FBXO44: variants seen among roughly 807,000 people sequenced by gnomAD.
FBXO44 encodes F-box only protein 44.
In FBXO44, 25 loss-of-function variants were observed where a neutral mutation model predicts 33.5. The observed-to-expected ratio is 0.75, with a 90% CI of 0.54 to 1.04. The LOEUF (loss-of-function observed/expected upper bound fraction) is 1.04. Ranked by LOEUF, FBXO44 falls within the 50% of genes least tolerant of loss-of-function variation. The pLI is 0.00. For synonymous variants in FBXO44, 147 were observed against 152.8 expected (o/e 0.96, Z 0.28); for missense variants, 311 against 344.0 (o/e 0.90, Z 0.76).
rs867323788 is a variant in FBXO44, at chr1:11,661,256, G to A, written c.751G>A (p.Gly251Arg). The A allele has an allele frequency of 6.2e-6, 10 of 1,613,836 alleles. No homozygotes were observed. The highest frequency in any genetic ancestry group is 1.6e-4 in the Middle Eastern group (1 of 6,084). The change falls in exon 6 of 6, where the codon GGG becomes AGG. Residue 251 changes from glycine to arginine, a missense_variant. Coordinates refer to ENST00000251547, the MANE Select transcript of FBXO44 (RefSeq NM_033182.7). This position sits in a 1 kb window ranked among gnomAD's most constrained non-coding sequence, Gnocchi z 4.4. ...PRVTNSSITI[G>R]PPLP ...GGTCACCAACAGCAGCATCACCATCGGGCCCCCGCTGCCCTGACACCCCCT... is the reference window on the plus strand; with the variant it reads ...GGTCACCAACAGCAGCATCACCATCAGGCCCCCGCTGCCCTGACACCCCCT...
intron 5 of FBXO44, among the ~76,000 whole-genome samples, chr1:11,659,310 G>A (rs995428343): frequency 1.3e-5 from 2 of 152,118 alleles, no homozygotes; most frequent in African/African-American, 4.8e-5. Flanking sequence ...TCCAGGAGGC[G>A]GAGGTTGCCG....
intron 5 of FBXO44, among the ~76,000 whole-genome samples, chr1:11,660,846 C>T (rs1225538188): frequency 2.0e-5 from 3 of 152,132 alleles, no homozygotes; most frequent in Non-Finnish European, 2.9e-5. Flanking sequence ...AGCGCAGTGA[C>T]GTGATCACAG....
rs1158716590 is a variant in FBXO44, at chr1:11,658,352, C to T, written c.351C>T (p.Phe117=). The part of the protein sequence containing the change: ...EDLSRDQRKE[F]PNDQVKKYFV... ...TCTCTCGAGACCAGAGGAAGGAATT[C>T]CCCAATGACCAGGTCAAGAAATACT... The change falls in exon 3 of 6, where the codon TTC becomes TTT. Residue 117 remains phenylalanine, a synonymous_variant. Transcript: ENST00000251547. The T allele has an allele frequency of 6.2e-7, 1 of 1,613,462 alleles. No homozygotes were observed. Among genetic ancestry groups the T allele is most frequent in the South Asian group, 1.1e-5 (1 of 91,004 alleles).
At chr1:11,658,445 G>A (rs780850040) in intron 3 of FBXO44, 52 bp downstream of exon 3, 19 of 1,612,274 alleles carry the variant, frequency 1.2e-5, no homozygotes, top group Admixed American at 1.7e-5. Flanking sequence ...TTTACCCTGG[G>A]GTCTCTCCCA....
intron 2 of FBXO44, among the ~76,000 whole-genome samples, chr1:11,657,384 T>C (rs1467806783): frequency 1.3e-5 from 2 of 151,724 alleles, no homozygotes; most frequent in Non-Finnish European, 2.9e-5. Context: ...CACAGCTGAG[T>C]ACTGGTAGAG....
rs1479360728 is a variant in FBXO44, at chr1:11,661,842, C to T, written c.*569C>T. On this transcript the variant is annotated 3_prime_UTR_variant, in exon 6 of 6. Transcript: ENST00000251547. The surrounding 1 kb of genome is among the most constrained non-coding windows in gnomAD (Gnocchi z 4.4). The stretch of plus-strand genomic sequence containing the variant: ...AGAAGAGGTGGCTTTGGCCCAGAGG[C>T]TCAGGCCGGGACTGAGATGGACAGA... 6.5e-6 allele frequency: 1 copy of T among 154,836 alleles called. No individual in the cohort carries two copies. Among genetic ancestry groups the T allele is most frequent in the Non-Finnish European group, 1.4e-5 (1 of 69,836 alleles). The allele number at this position is 154,836 out of a possible 1,614,324, so 9.6% of individuals were successfully genotyped here. A position where few individuals can be genotyped will look rare whatever the true frequency, so the allele number is the denominator to read the frequency against.
At chr1:11,659,619 C>T (rs758931897) in intron 5 of FBXO44, among the ~76,000 whole-genome samples, 10 of 152,092 alleles carry the variant, frequency 6.6e-5, no homozygotes, top group Non-Finnish European at 1.5e-4. Context: ...CCTCAGCATC[C>T]TGAGTAGCTG....
intron 2 of FBXO44, among the ~76,000 whole-genome samples, chr1:11,656,828 G>A (rs555801882): frequency 1.3e-5 from 2 of 152,326 alleles, no homozygotes; most frequent in African/African-American, 4.8e-5. Context: ...TTGGCCAACT[G>A]AGACTAATTC....
At chr1:11,659,908 C>A (rs1409110918) in intron 5 of FBXO44, among the ~76,000 whole-genome samples, 1 of 152,224 alleles carries the variant, frequency 6.6e-6, no homozygotes, top group Non-Finnish European at 1.5e-5. Context: ...GAAAACAGCT[C>A]TAGACAATAT....
At position 11,661,435 on chromosome 1, in the gene FBXO44, C is replaced by G; in HGVS notation, c.*162C>G. 1.8e-6 allele frequency: 2 copies of G among 1,097,950 alleles called. No individual in the cohort carries two copies. The highest frequency in any genetic ancestry group is 2.6e-6 in the Non-Finnish European group (2 of 779,774). 68.0% of individuals were successfully genotyped at this position (1,097,950 alleles called of 1,614,324 possible). On this transcript the variant is annotated 3_prime_UTR_variant, in exon 6 of 6. Transcript: ENST00000251547. This position sits in a 1 kb window ranked among gnomAD's most constrained non-coding sequence, Gnocchi z 4.4. ...GGAGCCTCTCAGTGTGGGCAGCCCT[C>G]GCATGCTGGGGTCGGGCCAGCTCTC...
Position 11,660,336 on chromosome 1 carries a change from T to G in FBXO44, c.625-794T>G, listed in dbSNP as rs186375583. On this transcript the variant is annotated intron_variant, in intron 5 of 5. Coordinates refer to ENST00000251547, the MANE Select transcript of FBXO44 (RefSeq NM_033182.7). ...GCCACCACGCCAGCTAATTTTGTAT[T>G]TTTAGTAGAGACGGGGTTTCTCCAT... 3.4e-4 allele frequency among the ~76,000 whole-genome samples: 51 copies of G among 152,174 alleles called. 1 individual carries two copies. In the East Asian group the frequency reaches 9.5e-3, roughly 28 times the overall value.
At position 11,661,378 on chromosome 1, in the gene FBXO44, C is replaced by T; in HGVS notation, c.*105C>T. 3 of 1,523,148 alleles carry T rather than the reference C, an allele frequency of 2.0e-6. No individual in the cohort carries two copies. The highest frequency in any genetic ancestry group is 1.2e-5 in the South Asian group (1 of 82,192). 94.4% of individuals were successfully genotyped at this position (1,523,148 alleles called of 1,614,324 possible). On this transcript the variant is annotated 3_prime_UTR_variant, in exon 6 of 6. Coordinates refer to ENST00000251547, the MANE Select transcript of FBXO44 (RefSeq NM_033182.7). This position sits in a 1 kb window ranked among gnomAD's most constrained non-coding sequence, Gnocchi z 4.4. ...GTGGAGGCCAGGTGTCCCCAGACCT[C>T]TAACCCTTGCCCCTAGCAGCCTCTT...
rs762530992 is a variant in FBXO44 at position 11,658,270 on chromosome 1, G to A, written c.269G>A (p.Gly90Glu). 3 of 1,613,810 alleles carry A rather than the reference G, an allele frequency of 1.9e-6. No homozygotes were observed. Among genetic ancestry groups the A allele is most frequent in the African/African-American group, 1.3e-5 (1 of 75,010 alleles). ...GTGAACTCTGCTTTTCCATCAGAGG[G>A]GTTCGAGTTCTGGAGCCTGGATGTG... is the stretch of plus-strand genomic sequence containing the variant. ...NLLHNPCAEEGFEFWSLDVNG... is the reference protein window; with the variant it reads ...NLLHNPCAEEEFEFWSLDVNG... Residue 90 changes from glycine to glutamate, a missense_variant, in exon 3 of 6, where the codon GGG (glycine) becomes GAG (glutamate). Transcript: ENST00000251547.
At chr1:11,657,727 G>A (rs140084158) in intron 2 of FBXO44, among the ~76,000 whole-genome samples, 37 of 149,226 alleles carry the variant, frequency 2.5e-4, no homozygotes, top group African/African-American at 9.2e-4. Flanking sequence ...GGTGACGAGC[G>A]AAACCCTATC....
At chr1:11,656,522 T>C (rs1053982353) in intron 2 of FBXO44, among the ~76,000 whole-genome samples, 3 of 150,874 alleles carry the variant, frequency 2.0e-5, no homozygotes, top group Non-Finnish European at 4.4e-5. Flanking sequence ...AGTGCAATGG[T>C]GCGATCTCGG....
Position 11,655,901 on chromosome 1 carries a change from C to G in FBXO44, c.66C>G (p.Pro22=). The G allele has an allele frequency of 6.2e-7, 1 of 1,613,920 alleles. No homozygotes were observed. The highest frequency in any genetic ancestry group is 8.5e-7 in the Non-Finnish European group (1 of 1,180,034). ...TGCTGGAGCTGTTCACGCACGTGCC[C>G]GCCCGCCAGCTGCTGCTGAACTGCC... ...NILLELFTHV[P]ARQLLLNCRL... Residue 22 remains proline, a synonymous_variant, in exon 2 of 6, where the codon CCC becomes CCG. Coordinates refer to ENST00000251547, the MANE Select transcript of FBXO44 (RefSeq NM_033182.7).
rs1402437596 is a variant in FBXO44 at position 11,663,277 on chromosome 1, C to T, written c.*2004C>T. On this transcript the variant is annotated 3_prime_UTR_variant, in exon 6 of 6. Transcript: ENST00000251547. ...CCAGCGATTGTTTCTTGAGGCTTCC[C>T]CAGCCATATGGAACTATAAGTCAAT... is the stretch of plus-strand genomic sequence containing the variant. 1 of 152,140 alleles carries T rather than the reference C, an allele frequency of 6.6e-6. No homozygotes were observed. Among genetic ancestry groups the T allele is most frequent in the Admixed American group, 6.6e-5 (1 of 15,262 alleles). 9.4% of individuals were successfully genotyped at this position (152,140 alleles called of 1,614,324 possible). A position where few individuals can be genotyped will look rare whatever the true frequency, so the allele number is the denominator to read the frequency against.
chr1:11,658,125 C>A, intron 2 of FBXO44, 142 bp from the exon 3 acceptor site: 1 of 1,354,396 alleles, frequency 7.4e-7, no homozygotes, highest in Non-Finnish European at 1.0e-6. Context: ...ACGCGGTGGG[C>A]ACTGTGATCT....
rs995905880 is a variant in FBXO44 at position 11,656,554 on chromosome 1, T to C, written c.265+454T>C. ...TCGGCTCACTGCAACCTCCACCTCCTGGGTTCAAGCGATTCTCCTGCCTCA... is the reference window on the plus strand; with the variant it reads ...TCGGCTCACTGCAACCTCCACCTCCCGGGTTCAAGCGATTCTCCTGCCTCA... On this transcript the variant is annotated intron_variant, in intron 2 of 5. Coordinates refer to ENST00000251547, the MANE Select transcript of FBXO44 (RefSeq NM_033182.7). 1.0e-3 allele frequency among the ~76,000 whole-genome samples: 153 copies of C among 151,628 alleles called. 1 individual carries two copies. Among genetic ancestry groups the C allele is most frequent in the African/African-American group, 3.6e-3 (148 of 41,316 alleles).
Sources: gnomAD v4.1 joint callset for allele counts (sites outside exome capture counted in the v4.1 genomes callset) on GRCh38, gnomAD v4.1.1 for gene constraint, Gnocchi (gnomAD v3.1) non-coding constraint, MANE v1.5 for transcripts, NCBI Gene and HGNC (gene_info 2026-07-23, HGNC 2026-07-21) for gene names.